ZNF451: variants seen among roughly 807,000 people sequenced by gnomAD.
The protein encoded by ZNF451 is zinc finger protein 451.
ZNF451 carries 80 observed loss-of-function variants against 107.1 expected under a neutral mutation model. That is an observed-to-expected ratio of 0.75 (90% confidence interval 0.62 to 0.90). ZNF451 has a LOEUF of 0.90. Among genes scored for constraint, ZNF451 ranks in the 40% least tolerant of loss-of-function variants. ZNF451 has a pLI of 0.00. For missense variants in ZNF451, 1,107 were observed against 1,236.2 expected (o/e 0.90, Z 1.57); for synonymous variants, 362 against 406.5 (o/e 0.89, Z 1.32).
chr6:57,116,580 A>G (rs1237137608), intron 3 of ZNF451: 1 of 152,090 alleles, frequency 6.6e-6, no homozygotes, highest in African/African-American at 2.4e-5. Flanking sequence ...ATATCATATG[A>G]CTAATAGTCT....
At chr6:57,148,912 T>C (rs1832219640) in intron 10 of ZNF451, among the ~76,000 whole-genome samples, 2 of 152,178 alleles carry the variant, frequency 1.3e-5, no homozygotes, top group African/African-American at 4.8e-5. Flanking sequence ...ATAATATATA[T>C]TTTAGATATC....
chr6:57,132,422 T>C (rs1053083977), intron 5 of ZNF451, among the ~76,000 whole-genome samples: 4 of 152,054 alleles, frequency 2.6e-5, no homozygotes, highest in African/African-American at 9.7e-5. Flanking sequence ...AAAATAAGAA[T>C]TAGAGGAAAA....
chr6:57,107,361 A>T, intron 3 of ZNF451: 1 of 984,500 alleles, frequency 1.0e-6, no homozygotes. Flanking sequence ...TCTTTAAAGC[A>T]TTATTAGAAG....
chr6:57,138,741 ATGTGTGTGTG>A (rs1185366526), intron 7 of ZNF451, among the ~76,000 whole-genome samples: 3 of 46,588 alleles, frequency 6.4e-5, no homozygotes, highest in Non-Finnish European at 1.1e-4. Context: ...ATATATATAT[ATGTGTGTGTG>A]TGTGTGTGTG....
chr6:57,109,286 T>G, intron 3 of ZNF451: 1 of 984,966 alleles, frequency 1.0e-6, no homozygotes, highest in Non-Finnish European at 1.2e-6. Context: ...TACATTCATT[T>G]TGTTTCATAT....
At chr6:57,120,588 C>T (rs1478900139) in intron 3 of ZNF451, among the ~76,000 whole-genome samples, 2 of 152,116 alleles carry the variant, frequency 1.3e-5, no homozygotes, top group Admixed American at 1.3e-4. Context: ...TAGATGTGGC[C>T]GTTCTAATAG....
Position 57,147,611 on chromosome 6 carries a change from A to G in ZNF451, c.1526A>G (p.Asp509Gly). ...GTGGTCTGTGGAAAGGTATGTGATG[A>G]TTCAGGGGTCATTCGTTTACACATG... ...KCVVCGKVCD[D>G]SGVIRLHMSR... Residue 509 changes from aspartate (D) to glycine (G), a missense_variant, in exon 10 of 15, where the codon GAT (aspartate) becomes GGT (glycine). Around this residue, in one of 5 missense-constraint regions of ZNF451, gnomAD observed 608 missense variants for 649.2 expected, o/e 0.94. Transcript: ENST00000370706. 4 of 1,614,120 alleles carry G rather than the reference A, an allele frequency of 2.5e-6. No homozygotes were observed. The South Asian group carries it at 4.4e-5, about 18-fold the overall frequency.
intron 9 of ZNF451, among the ~76,000 whole-genome samples, chr6:57,146,709 C>G (rs1832081048): frequency 6.6e-6 from 1 of 152,092 alleles, no homozygotes; most frequent in Admixed American, 6.6e-5. Flanking sequence ...AGAATAGGAA[C>G]TGGGTTGTCT....
intron 3 of ZNF451, among the ~76,000 whole-genome samples, chr6:57,111,892 ATG>A (rs1326002712): frequency 6.6e-6 from 1 of 152,154 alleles, no homozygotes; most frequent in Non-Finnish European, 1.5e-5. Flanking sequence ...GTATATCTAT[ATG>A]TGTGTTTTAA....
intron 3 of ZNF451, 166 bp from the exon 4 acceptor site, chr6:57,124,568 A>G (rs1271021708): frequency 1.9e-5 from 13 of 700,494 alleles, no homozygotes; most frequent in Non-Finnish European, 3.1e-5. Context: ...ATGCTGGTGG[A>G]TAATTGACAG....
chr6:57,144,328 C>G (rs1831948156), intron 9 of ZNF451, among the ~76,000 whole-genome samples: 1 of 150,316 alleles, frequency 6.7e-6, no homozygotes, highest in Non-Finnish European at 1.5e-5. Flanking sequence ...GCAACCTCCA[C>G]CTCCCAAGTT....
At chr6:57,108,226 C>T in intron 3 of ZNF451, 1 of 985,382 alleles carries the variant, frequency 1.0e-6, no homozygotes, top group Non-Finnish European at 1.2e-6. Context: ...GTAAGACTAA[C>T]TTTCATATGC....
chr6:57,109,200 T>G (rs2127947210), intron 3 of ZNF451: 1 of 985,442 alleles, frequency 1.0e-6, no homozygotes, highest in East Asian at 1.1e-4. Context: ...GTCATTGGTT[T>G]CTGTTTCCAT....
Position 57,148,278 on chromosome 6 carries a change from A to G in ZNF451, c.2193A>G (p.Lys731=), listed in dbSNP as rs377069766. The change falls in exon 10 of 15, where the codon AAA becomes AAG. Residue 731 remains lysine, a synonymous_variant. Transcript: ENST00000370706. ...TCGCRESYIC[K]VNRKEDYSRC... Reference sequence around the variant, plus strand: ...GTTGCCGTGAGAGTTACATCTGTAAAGTCAACAGAAAAGAAGATTATAGCA... The same window carrying G: ...GTTGCCGTGAGAGTTACATCTGTAAGGTCAACAGAAAAGAAGATTATAGCA... The G allele has an allele frequency of 1.9e-6, 3 of 1,613,906 alleles. No individual in the cohort carries two copies. Among genetic ancestry groups the G allele is most frequent in the Non-Finnish European group, 2.5e-6 (3 of 1,179,976 alleles).
rs573896686 is a variant in ZNF451 at position 57,107,584 on chromosome 6, A to G, written c.186+8443A>G. 6.1e-6 allele frequency: 6 copies of G among 985,208 alleles called. No individual in the cohort carries two copies. The South Asian group carries it at 1.4e-4, about 23-fold the overall frequency. The allele number at this position is 985,208 out of a possible 1,614,324, so 61.0% of individuals were successfully genotyped here. A position where few individuals can be genotyped will look rare whatever the true frequency, so the allele number is the denominator to read the frequency against. On this transcript the variant is annotated intron_variant, in intron 3 of 14. Coordinates refer to ENST00000370706, the MANE Select transcript of ZNF451 (RefSeq NM_001031623.3). ...AAAATTTTGAAGCCCATCCCCATGGATTTATTATAATACAGCTCTGATATA... is the reference window on the plus strand; with the variant it reads ...AAAATTTTGAAGCCCATCCCCATGGGTTTATTATAATACAGCTCTGATATA...
rs374345899 is a variant in ZNF451, at chr6:57,148,142, A to T, written c.2057A>T (p.Tyr686Phe). The T allele has an allele frequency of 5.6e-6, 9 of 1,614,106 alleles. No homozygotes were observed. Among genetic ancestry groups the T allele is most frequent in the Non-Finnish European group, 7.6e-6 (9 of 1,179,978 alleles). ...GTGGAAGAAGCATTTCTGAGTCATTATGAGGAGCACCACAGCATAGATTAT... is the reference window on the plus strand; with the variant it reads ...GTGGAAGAAGCATTTCTGAGTCATTTTGAGGAGCACCACAGCATAGATTAT... ...FNVEEAFLSHYEEHHSIDYVF... is the reference protein window; with the variant it reads ...FNVEEAFLSHFEEHHSIDYVF... Residue 686 changes from tyrosine to phenylalanine, a missense_variant, in exon 10 of 15, where the codon TAT becomes TTT. This residue lies in a region of ZNF451 where 608 missense variants were observed against 649.2 expected (regional missense o/e 0.94). Coordinates refer to ENST00000370706, the MANE Select transcript of ZNF451 (RefSeq NM_001031623.3).
At chr6:57,105,313 T>C in intron 3 of ZNF451, 1 of 983,946 alleles carries the variant, frequency 1.0e-6, no homozygotes, top group Non-Finnish European at 1.2e-6. Flanking sequence ...AGATATACAA[T>C]GTATATAGAG....
chr6:57,113,690 C>T (rs1830224676), intron 3 of ZNF451, among the ~76,000 whole-genome samples: 1 of 148,730 alleles, frequency 6.7e-6, no homozygotes, highest in Non-Finnish European at 1.5e-5. Context: ...GGTGCAATCT[C>T]GGCTCACTGC....
chr6:57,156,055 A>G (rs895295144), intron 13 of ZNF451, among the ~76,000 whole-genome samples: 17 of 151,858 alleles, frequency 1.1e-4, no homozygotes. Context: ...ATATGGTTGT[A>G]ATAGTTAGTG....
Sources: gnomAD v4.1 joint callset for allele counts (sites outside exome capture counted in the v4.1 genomes callset) on GRCh38, gnomAD v4.1.1 for gene constraint, gnomAD v4.1.1 regional missense constraint, MANE v1.5 for transcripts, NCBI Gene and HGNC (gene_info 2026-07-23, HGNC 2026-07-21) for gene names.